STK32B: variants seen among roughly 807,000 people sequenced by gnomAD.
STK32B encodes serine/threonine-protein kinase 32B.
Under a neutral mutation model 52.6 loss-of-function variants are expected in STK32B, and 43 were observed. The observed-to-expected ratio is 0.82, with a 90% CI of 0.64 to 1.05. The LOEUF is 1.05. Among genes scored for constraint, STK32B ranks in the 50% least tolerant of loss-of-function variants. The pLI is 0.00. For missense variants in STK32B, 621 were observed against 534.6 expected (o/e 1.16, Z -1.59); for synonymous variants, 238 against 204.3 (o/e 1.17, Z -1.41).
chr4:5,352,057 G>C (rs901559931), intron 4 of STK32B, among the ~76,000 whole-genome samples: 2 of 151,928 alleles, frequency 1.3e-5, no homozygotes, highest in Admixed American at 6.6e-5. Flanking sequence ...AACTATTCTA[G>C]AAAAGTGAAG....
At chr4:5,495,148 C>T (rs1219679478) in intron 11 of STK32B, among the ~76,000 whole-genome samples, 1 of 152,186 alleles carries the variant, frequency 6.6e-6, no homozygotes, top group Non-Finnish European at 1.5e-5. Flanking sequence ...GGAAGTTCTC[C>T]TGGATAATAT....
chr4:5,363,240 C>T (rs997122765), intron 4 of STK32B, among the ~76,000 whole-genome samples: 1 of 152,198 alleles, frequency 6.6e-6, no homozygotes, highest in African/African-American at 2.4e-5. Flanking sequence ...GATGTTTCAA[C>T]AGTTTGAATT....
intron 2 of STK32B, chr4:5,140,182 T>C (rs1216625273): frequency 1.3e-6 from 2 of 1,484,056 alleles, no homozygotes; most frequent in African/African-American, 1.4e-5. Flanking sequence ...TGAATTACAA[T>C]GGTATTTATT....
At chr4:5,091,063 C>T (rs1463477964) in intron 1 of STK32B, among the ~76,000 whole-genome samples, 1 of 152,120 alleles carries the variant, frequency 6.6e-6, no homozygotes, top group Non-Finnish European at 1.5e-5. Context: ...TAACACCAAT[C>T]GTTCTCAAAT....
intron 3 of STK32B, among the ~76,000 whole-genome samples, chr4:5,308,149 T>C (rs992619200): frequency 1.8e-4 from 27 of 152,264 alleles, no homozygotes; most frequent in African/African-American, 6.0e-4. Context: ...CAGCTGTGAT[T>C]GTATAGAGAG....
chr4:5,449,785 G>A (rs997306021), intron 7 of STK32B, among the ~76,000 whole-genome samples: 1 of 152,138 alleles, frequency 6.6e-6, no homozygotes, highest in African/African-American at 2.4e-5. Context: ...CTGTGCATGC[G>A]AGGGACCTAG....
At chr4:5,486,385 C>T (rs1191171332) in intron 11 of STK32B, among the ~76,000 whole-genome samples, 1 of 152,202 alleles carries the variant, frequency 6.6e-6, no homozygotes, top group Non-Finnish European at 1.5e-5. Flanking sequence ...ATCCTCCCAG[C>T]CAGGCGCGGG....
At chr4:5,420,349 G>A (rs756757598) in intron 6 of STK32B, among the ~76,000 whole-genome samples, 9 of 152,112 alleles carry the variant, frequency 5.9e-5, no homozygotes, top group South Asian at 2.1e-4. Context: ...TTCTGAGATC[G>A]CTTTCTGGAA....
Position 5,499,192 on chromosome 4 carries a change from G to A in STK32B, c.*109G>A. The A allele has an allele frequency of 7.2e-7, 1 of 1,388,074 alleles. No individual in the cohort carries two copies. Among genetic ancestry groups the A allele is most frequent in the Non-Finnish European group, 9.5e-7 (1 of 1,053,644 alleles). 86.0% of individuals were successfully genotyped at this position (1,388,074 alleles called of 1,614,324 possible). ...TGTCTCACCCCTGAAAACATCAGAT[G>A]CAGAAAAAGCCCTGGACTTGGAGCT... On this transcript the variant is annotated 3_prime_UTR_variant, in exon 12 of 12. Coordinates refer to ENST00000282908, the MANE Select transcript of STK32B (RefSeq NM_018401.3).
chr4:5,175,343 T>G (rs1441072354), intron 3 of STK32B, among the ~76,000 whole-genome samples: 5 of 152,248 alleles, frequency 3.3e-5, no homozygotes, highest in Non-Finnish European at 7.3e-5. Context: ...CCATTGCTGG[T>G]GAGGAGCTGC....
intron 1 of STK32B, among the ~76,000 whole-genome samples, chr4:5,088,684 A>T (rs535142105): frequency 1.3e-4 from 20 of 152,136 alleles, no homozygotes; most frequent in African/African-American, 4.8e-4. Context: ...TGTGATTATT[A>T]TGCATTGCAG....
At chr4:5,246,235 C>A (rs1577239561) in intron 3 of STK32B, among the ~76,000 whole-genome samples, 1 of 152,208 alleles carries the variant, frequency 6.6e-6, no homozygotes, top group Non-Finnish European at 1.5e-5. Flanking sequence ...TTGGTCTTTT[C>A]ACATAGTCCC....
the STK32B span, among the ~76,000 whole-genome samples, chr4:5,040,628 G>A: frequency 1.1e-4 from 17 of 152,060 alleles, no homozygotes; most frequent in African/African-American, 2.9e-4. Flanking sequence ...GCTTGACCTC[G>A]TAATCTGCCC....
intron 11 of STK32B, among the ~76,000 whole-genome samples, chr4:5,475,981 G>A (rs1371908012): frequency 1.3e-5 from 2 of 151,634 alleles, no homozygotes; most frequent in Non-Finnish European, 2.9e-5. Flanking sequence ...TGCAACCTCC[G>A]CCTCCCAGGT....
chr4:5,246,134 G>T (rs920272387), intron 3 of STK32B, among the ~76,000 whole-genome samples: 9 of 152,240 alleles, frequency 5.9e-5, no homozygotes, highest in African/African-American at 1.4e-4. Context: ...TGCTAGATTG[G>T]GGAAGTTCTC....
intron 3 of STK32B, among the ~76,000 whole-genome samples, chr4:5,262,471 A>AG (rs1487299281): frequency 1.1e-4 from 16 of 151,978 alleles, no homozygotes; most frequent in African/African-American, 3.9e-4. Flanking sequence ...TAAAAAAAAA[A>AG]AAAATTAGCC....
At chr4:5,203,332 A>G (rs538821596) in intron 3 of STK32B, among the ~76,000 whole-genome samples, 4 of 152,212 alleles carry the variant, frequency 2.6e-5, no homozygotes, top group South Asian at 2.1e-4. Flanking sequence ...CTTCTCATTC[A>G]TTCATTTAAT....
At chr4:5,217,607 C>T (rs1249322098) in intron 3 of STK32B, among the ~76,000 whole-genome samples, 2 of 152,188 alleles carry the variant, frequency 1.3e-5, no homozygotes, top group African/African-American at 4.8e-5. Flanking sequence ...TAGGGCAGAA[C>T]AAATATCATA....
intron 3 of STK32B, among the ~76,000 whole-genome samples, chr4:5,169,097 C>T (rs1020012426): frequency 5.9e-5 from 9 of 152,134 alleles, no homozygotes; most frequent in East Asian, 1.9e-4. Context: ...TTCCTGGCAC[C>T]CAGCTTAGGA....
Sources: gnomAD v4.1 joint callset for allele counts (sites outside exome capture counted in the v4.1 genomes callset) on GRCh38, gnomAD v4.1.1 for gene constraint, MANE v1.5 for transcripts, NCBI Gene and HGNC (gene_info 2026-07-23, HGNC 2026-07-21) for gene names.